The following CALN1 variants were observed in gnomAD, a reference collection of about 807,000 sequenced individuals.
CALN1 encodes the protein calneuron 1.
A neutral mutation model predicts 30.6 loss-of-function variants in CALN1; 17 were observed. The ratio of observed to expected loss-of-function variants is 0.56; its 90% CI spans 0.38 to 0.83. CALN1 has a LOEUF of 0.83. CALN1 is among the 40% of genes least tolerant of loss of function. CALN1 has a pLI of 0.00. For missense variants in CALN1, 291 were observed against 354.9 expected (o/e 0.82, Z 1.45); for synonymous variants, 156 against 131.4 (o/e 1.19, Z -1.28).
chr7:72,151,996 T>A (rs1285912451), intron 3 of CALN1, among the ~76,000 whole-genome samples: 1 of 149,912 alleles, frequency 6.7e-6, no homozygotes, highest in Non-Finnish European at 1.5e-5. Context: ...GTAACCTCCA[T>A]CTCCTGAGTT....
At chr7:71,888,095 G>C (rs1793020631) in intron 5 of CALN1, among the ~76,000 whole-genome samples, 1 of 152,094 alleles carries the variant, frequency 6.6e-6, no homozygotes. Context: ...TAAAAGCATA[G>C]GATGGAATAA....
At chr7:72,280,106 C>T (rs952513708) in intron 2 of CALN1, among the ~76,000 whole-genome samples, 4 of 152,218 alleles carry the variant, frequency 2.6e-5, no homozygotes, top group Non-Finnish European at 5.9e-5. Flanking sequence ...GACATTTCCA[C>T]CCGGATGTCA....
At chr7:72,294,744 A>T (rs11767194) in intron 2 of CALN1, among the ~76,000 whole-genome samples, 46,694 of 134,894 alleles carry the variant, frequency 0.35, 7,774 homozygotes, top group Non-Finnish European at 0.4. Flanking sequence ...ACTGTCTCTA[A>T]AAAAGTAATA....
At chr7:71,957,628 C>T (rs566337978) in intron 5 of CALN1, among the ~76,000 whole-genome samples, 10 of 152,260 alleles carry the variant, frequency 6.6e-5, no homozygotes, top group Admixed American at 6.5e-4. Context: ...TGCAATTTTC[C>T]GGTGAGTTAG....
chr7:72,270,723 C>CA lies in CALN1; in HGVS notation c.244+7962dup, dbSNP rs1490481788. 4.6e-5 allele frequency among the ~76,000 whole-genome samples: 7 copies of CA among 152,216 alleles called. No individual in the cohort carries two copies. The East Asian group carries it at 1.2e-3, about 25-fold the overall frequency. On this transcript the variant is annotated intron_variant, in intron 3 of 6. Coordinates refer to ENST00000395275, the MANE Select transcript of CALN1 (RefSeq NM_031468.4). Reference sequence around the variant, plus strand: ...TCAGGAGGTCAATGCTACAGTGAGCCATGTTTGTGCCACTGCACTCCAGCC... The same window carrying CA: ...TCAGGAGGTCAATGCTACAGTGAGCCAATGTTTGTGCCACTGCACTCCAGCC...
intron 5 of CALN1, among the ~76,000 whole-genome samples, chr7:71,858,910 A>G (rs1791107419): frequency 6.6e-6 from 1 of 152,196 alleles, no homozygotes; most frequent in Non-Finnish European, 1.5e-5. Context: ...TGTCACGGGC[A>G]CGTCCTTAAC....
At chr7:72,413,146 C>G (rs753298710), upstream of CALN1, among the ~76,000 whole-genome samples, 2 of 152,074 alleles carry the variant, frequency 1.3e-5, no homozygotes, top group African/African-American at 2.4e-5. Flanking sequence ...CGTATGCTCA[C>G]TTACATGCTT....
chr7:71,794,889 A>G (rs934003004), intron 6 of CALN1, among the ~76,000 whole-genome samples: 7 of 152,184 alleles, frequency 4.6e-5, no homozygotes, highest in South Asian at 2.1e-4. Flanking sequence ...AGCTCAGCAC[A>G]TAAGACCATA....
intron 3 of CALN1, among the ~76,000 whole-genome samples, chr7:72,115,684 C>T (rs368520765): frequency 6.6e-6 from 1 of 151,594 alleles, no homozygotes; most frequent in Non-Finnish European, 1.5e-5. Flanking sequence ...AGCCGGGTTT[C>T]GCCACGTTGG....
intron 2 of CALN1, among the ~76,000 whole-genome samples, chr7:72,314,368 TATATACACATATATACAC>T (rs1209272606): frequency 3.0e-5 from 2 of 67,622 alleles, no homozygotes; most frequent in Non-Finnish European, 1.0e-4. Context: ...TACATATACA[TATATACACATATATACAC>T]ATATATATAC....
At chr7:72,441,797 C>A (rs900881235) in intron 1 of CALN1, among the ~76,000 whole-genome samples, 1 of 151,902 alleles carries the variant, frequency 6.6e-6, no homozygotes, top group Non-Finnish European at 1.5e-5. Flanking sequence ...GAACTCAGTT[C>A]GTCGTCTCTT....
chr7:72,413,497 C>A (rs1807309579), upstream of CALN1, among the ~76,000 whole-genome samples: 1 of 151,900 alleles, frequency 6.6e-6, no homozygotes, highest in South Asian at 2.1e-4. Context: ...CACATAAGGA[C>A]ACAAACTCAC....
At chr7:72,463,276 C>T in the CALN1 span, among the ~76,000 whole-genome samples, 1 of 152,166 alleles carries the variant, frequency 6.6e-6, no homozygotes, top group Admixed American at 6.5e-5. Flanking sequence ...CACCCACTAC[C>T]ACACCTGGCT....
intron 2 of CALN1, among the ~76,000 whole-genome samples, chr7:72,354,579 G>C (rs113842289): frequency 2.0e-5 from 3 of 152,218 alleles, no homozygotes; most frequent in African/African-American, 4.8e-5. Context: ...GTGTGGTTTT[G>C]GCACAAGGAT....
chr7:72,175,170 T>G (rs959449530), intron 3 of CALN1, among the ~76,000 whole-genome samples: 8 of 151,844 alleles, frequency 5.3e-5, no homozygotes, highest in African/African-American at 1.9e-4. Flanking sequence ...GCCTCCCAGG[T>G]TCACGCCATT....
At chr7:72,263,554 C>T (rs911801748) in intron 3 of CALN1, among the ~76,000 whole-genome samples, 2 of 152,040 alleles carry the variant, frequency 1.3e-5, no homozygotes, top group Admixed American at 1.3e-4. Context: ...CACCACCATG[C>T]CTGGCTAACT....
chr7:72,419,745 T>C (rs11763831), intron 1 of CALN1, among the ~76,000 whole-genome samples: 50,101 of 152,034 alleles, frequency 0.33, 9,387 homozygotes, highest in Middle Eastern at 0.47. Flanking sequence ...CCGGCAAGGA[T>C]ACAAGTGGCT....
At chr7:72,411,237 C>T (rs990185734) in intron 1 of CALN1, among the ~76,000 whole-genome samples, 3 of 152,010 alleles carry the variant, frequency 2.0e-5, no homozygotes, top group African/African-American at 7.2e-5. Context: ...AACTGTATTT[C>T]AAGTTAATGG....
chr7:72,490,106 G>A, the CALN1 span, among the ~76,000 whole-genome samples: 1 of 152,168 alleles, frequency 6.6e-6, no homozygotes, highest in Non-Finnish European at 1.5e-5. Flanking sequence ...TAGAGACCAT[G>A]GCTTCTCCTT....
Sources: gnomAD v4.1 joint callset for allele counts (sites outside exome capture counted in the v4.1 genomes callset) on GRCh38, gnomAD v4.1.1 for gene constraint, MANE v1.5 for transcripts, NCBI Gene and HGNC (gene_info 2026-07-23, HGNC 2026-07-21) for gene names.